The following CACNA2D2 variants were observed in gnomAD, a reference collection of about 807,000 sequenced individuals.
CACNA2D2 encodes voltage-dependent calcium channel subunit alpha-2/delta-2.
CACNA2D2 carries 48 observed loss-of-function variants against 166.4 expected under a neutral mutation model. That is an observed-to-expected ratio of 0.29 (90% CI 0.23 to 0.37). The LOEUF is 0.37. Among genes scored for constraint, CACNA2D2 ranks in the 10% least tolerant of loss-of-function variants. The pLI is 1.00. For synonymous variants in CACNA2D2, 561 were observed against 573.7 expected, an observed-to-expected ratio of 0.98 and a Z score of 0.32; for missense variants, 1,122 against 1,433.0, an observed-to-expected ratio of 0.78 and a Z score of 3.50.
chr3:50,393,620 C>T (rs1221581726), intron 4 of CACNA2D2, among the ~76,000 whole-genome samples: 1 of 152,244 alleles, frequency 6.6e-6, no homozygotes, highest in Non-Finnish European at 1.5e-5. Flanking sequence ...GGAGAGGCTT[C>T]TGTGACCATG....
chr3:50,487,730 T>C (rs947760671), intron 1 of CACNA2D2, among the ~76,000 whole-genome samples: 6 of 152,154 alleles, frequency 3.9e-5, no homozygotes, highest in Admixed American at 2.6e-4. Context: ...AGCCTCATGA[T>C]TGGCTTAAGG....
At chr3:50,434,472 C>A (rs377733365) in intron 2 of CACNA2D2, 43 bp from the exon 3 acceptor site, 1 of 1,416,844 alleles carries the variant, frequency 7.1e-7, no homozygotes, top group Non-Finnish European at 1.0e-6. Flanking sequence ...GGTGGTCCCA[C>A]GTCCTCATGC....
intron 2 of CACNA2D2, among the ~76,000 whole-genome samples, chr3:50,437,824 G>A (rs1297440283): frequency 6.6e-6 from 1 of 152,194 alleles, no homozygotes; most frequent in Non-Finnish European, 1.5e-5. Context: ...GCTGGGAAGT[G>A]CAGAAAGGCC....
intron 2 of CACNA2D2, among the ~76,000 whole-genome samples, chr3:50,436,233 C>T (rs971569287): frequency 6.6e-6 from 1 of 152,162 alleles, no homozygotes; most frequent in Non-Finnish European, 1.5e-5. Context: ...AGTGGTGCCC[C>T]GACCCATTTG....
Position 50,364,521 on chromosome 3 carries a change from G to T in CACNA2D2, c.*145C>A. The T allele has an allele frequency of 9.8e-7, 1 of 1,021,258 alleles. No homozygotes were observed. Among genetic ancestry groups the T allele is most frequent in the African/African-American group, 1.6e-5 (1 of 61,590 alleles). 63.3% of individuals were successfully genotyped at this position (1,021,258 alleles called of 1,614,324 possible). On this transcript the variant is annotated 3_prime_UTR_variant, in exon 38 of 38. Transcript: ENST00000424201. ...GCTTTGGGACTCCCCATCCCAAGGC[G>T]CAGACCAGACTCTCAGGGCCTGGCC...
intron 2 of CACNA2D2, among the ~76,000 whole-genome samples, chr3:50,471,580 C>A (rs1343670699): frequency 6.6e-6 from 1 of 152,176 alleles, no homozygotes; most frequent in Non-Finnish European, 1.5e-5. Flanking sequence ...TAACAGAGCT[C>A]AGCCTCAGCC....
chr3:50,465,902 T>A (rs1361138577), intron 2 of CACNA2D2, among the ~76,000 whole-genome samples: 1 of 152,078 alleles, frequency 6.6e-6, no homozygotes, highest in Non-Finnish European at 1.5e-5. Context: ...CTTCAGTGGA[T>A]CCAAGTGCAC....
chr3:50,468,379 TAGTGTGTGTGTGTGTG>T (rs1428996365), intron 2 of CACNA2D2, among the ~76,000 whole-genome samples: 68 of 68,918 alleles, frequency 9.9e-4, no homozygotes, highest in African/African-American at 3.1e-3. Context: ...TTCATCAGAA[TAGTGTGTGTGTGTGTG>T]TGTGTGTGTG....
Position 50,363,005 on chromosome 3 carries a change from G to C in CACNA2D2, c.*1661C>G. On this transcript the variant is annotated 3_prime_UTR_variant, in exon 38 of 38. Coordinates refer to ENST00000424201, the MANE Select transcript of CACNA2D2 (RefSeq NM_006030.4). ...TGGCCCCCCAGTCCCCCAGCCCAAGGTGAGGGGCAGCCAGGTCGGGTGGGT... is the reference window on the plus strand; with the variant it reads ...TGGCCCCCCAGTCCCCCAGCCCAAGCTGAGGGGCAGCCAGGTCGGGTGGGT... 1 of 397,732 alleles carries C rather than the reference G, an allele frequency of 2.5e-6. No individual in the cohort carries two copies. The highest frequency in any genetic ancestry group is 4.4e-6 in the Non-Finnish European group (1 of 225,920). 24.6% of individuals were successfully genotyped at this position (397,732 alleles called of 1,614,324 possible).
intron 2 of CACNA2D2, among the ~76,000 whole-genome samples, chr3:50,463,737 C>A (rs938872974): frequency 6.6e-6 from 1 of 152,240 alleles, no homozygotes; most frequent in Admixed American, 6.5e-5. Context: ...AGGAAATGCA[C>A]AAACCAGCAA....
rs1475254081 is a variant in CACNA2D2 at position 50,363,034 on chromosome 3, GAGA to G, written c.*1629_*1631del. On this transcript the variant is annotated 3_prime_UTR_variant, in exon 38 of 38. Transcript: ENST00000424201. Reference sequence around the variant, plus strand: ...GGGGCAGCCAGGTCGGGTGGGTAATGAGAAGGATTAGACCCAGCTGGGGGTTAG... The same window carrying G: ...GGGGCAGCCAGGTCGGGTGGGTAATGAGGATTAGACCCAGCTGGGGGTTAG... 5.0e-6 allele frequency: 2 copies of G among 397,962 alleles called. No homozygotes were observed. Among genetic ancestry groups the G allele is most frequent in the Non-Finnish European group, 8.9e-6 (2 of 225,988 alleles). The allele number at this position is 397,962 out of a possible 1,614,324, so 24.7% of individuals were successfully genotyped here. A position where few individuals can be genotyped will look rare whatever the true frequency, so the allele number is the denominator to read the frequency against.
At chr3:50,398,097 G>A (rs1027502980) in intron 3 of CACNA2D2, among the ~76,000 whole-genome samples, 34 of 152,186 alleles carry the variant, frequency 2.2e-4, no homozygotes, top group African/African-American at 7.2e-4. Flanking sequence ...AGAAACTGAG[G>A]CCCAGAGGCG....
intron 3 of CACNA2D2, among the ~76,000 whole-genome samples, chr3:50,408,202 G>C (rs1298819255): frequency 2.6e-5 from 4 of 152,222 alleles, no homozygotes; most frequent in African/African-American, 7.2e-5. Context: ...GTCCATGCCA[G>C]GGATGGGCTC....
chr3:50,448,852 A>C (rs1708979802), intron 2 of CACNA2D2, among the ~76,000 whole-genome samples: 1 of 152,040 alleles, frequency 6.6e-6, no homozygotes, highest in African/African-American at 2.4e-5. Context: ...CACTACCCCC[A>C]CAGACCCTGA....
rs1182491804 is a variant in CACNA2D2 at position 50,364,508 on chromosome 3, C to G, written c.*158G>C. On this transcript the variant is annotated 3_prime_UTR_variant, in exon 38 of 38. Coordinates refer to ENST00000424201, the MANE Select transcript of CACNA2D2 (RefSeq NM_006030.4). ...CCTGCGGCGTCCCGCTTTGGGACTC[C>G]CCATCCCAAGGCGCAGACCAGACTC... is the stretch of plus-strand genomic sequence containing the variant. 1.6e-5 allele frequency: 14 copies of G among 885,896 alleles called. No individual in the cohort carries two copies. Among genetic ancestry groups the G allele is most frequent in the Non-Finnish European group, 2.3e-5 (14 of 602,490 alleles). 54.9% of individuals were successfully genotyped at this position (885,896 alleles called of 1,614,324 possible).
rs752337854 is a variant in CACNA2D2 at position 50,365,719 on chromosome 3, G to C, written c.2916-31C>G. ...GCGCACGGGGAGCCGAGTGCAGGTG[G>C]TCAGCAGAGGACGATGCCATGCCCT... On this transcript the variant is annotated intron_variant, in intron 33 of 37. Transcript: ENST00000424201. This position sits in a 1 kb window ranked among gnomAD's most constrained non-coding sequence, Gnocchi z 4.5. 2 of 1,598,382 alleles carry C rather than the reference G, an allele frequency of 1.3e-6. No individual in the cohort carries two copies. The highest frequency in any genetic ancestry group is 1.7e-6 in the Non-Finnish European group (2 of 1,172,816).
chr3:50,416,716 C>T (rs1189452329), intron 3 of CACNA2D2, among the ~76,000 whole-genome samples: 3 of 151,940 alleles, frequency 2.0e-5, no homozygotes, highest in Non-Finnish European at 2.9e-5. Flanking sequence ...AGTGTGGTCT[C>T]GGGCAAGTCT....
rs748993910 is a variant in CACNA2D2 at position 50,367,895 on chromosome 3, G to C, written c.2151C>G (p.Asn717Lys). 9.3e-7 allele frequency: 1 copy of C among 1,075,770 alleles called. No individual in the cohort carries two copies. Among genetic ancestry groups the C allele is most frequent in the Non-Finnish European group, 1.3e-6 (1 of 748,218 alleles). 66.6% of individuals were successfully genotyped at this position (1,075,770 alleles called of 1,614,324 possible). Residue 717 changes from asparagine (N) to lysine (K), a missense_variant, in exon 25 of 38, where the codon AAC (asparagine) becomes AAG (lysine). Asn to Lys is a moderately conservative substitution (Grantham distance 94). Around this residue, in one of 2 missense-constraint regions of CACNA2D2, gnomAD observed 840 missense variants for 1,166.8 expected, o/e 0.72. Transcript: ENST00000424201. The surrounding 1 kb of genome is among the most constrained non-coding windows in gnomAD (Gnocchi z 6.5). Reference sequence around the variant, plus strand: ...CCAAGATCAGGTTGTGCAGAAGGAAGTTGTTGCCTGGAACAGGAGGGGAGG... The same window carrying C: ...CCAAGATCAGGTTGTGCAGAAGGAACTTGTTGCCTGGAACAGGAGGGGAGG... Reference protein sequence around the residue: ...KVTPDSKQCNNFLLHNLILDT... With the variant: ...KVTPDSKQCNKFLLHNLILDT...
At chr3:50,372,138 C>G (rs1386788039) in intron 22 of CACNA2D2, among the ~76,000 whole-genome samples, 2 of 152,148 alleles carry the variant, frequency 1.3e-5, no homozygotes, top group Non-Finnish European at 2.9e-5. Flanking sequence ...TCTCACTCCC[C>G]TTACTCTCTG....
Sources: gnomAD v4.1 joint callset for allele counts (sites outside exome capture counted in the v4.1 genomes callset) on GRCh38, gnomAD v4.1.1 for gene constraint, gnomAD v4.1.1 regional missense constraint, Gnocchi (gnomAD v3.1) non-coding constraint, MANE v1.5 for transcripts, NCBI Gene and HGNC (gene_info 2026-07-23, HGNC 2026-07-21) for gene names.